LMAN1: variants seen among roughly 807,000 people sequenced by gnomAD.
LMAN1 encodes the protein protein ERGIC-53.
LMAN1 carries 32 observed loss-of-function variants against 67.8 expected under a neutral mutation model. The observed-to-expected ratio is 0.47, with a 90% CI of 0.36 to 0.63. The LOEUF (loss-of-function observed/expected upper bound fraction) is 0.63. Ranked by LOEUF, LMAN1 falls within the 30% of genes least tolerant of loss-of-function variation. The pLI is 0.00. For missense variants in LMAN1, 632 were observed against 628.2 expected, an observed-to-expected ratio of 1.01 and a Z score of -0.06; for synonymous variants, 235 against 219.3, an observed-to-expected ratio of 1.07 and a Z score of -0.63.
chr18:59,345,959 CTCTT>C lies in LMAN1; in HGVS notation c.911_914del (p.Lys304ArgfsTer22). On this transcript the variant is annotated frameshift_variant, in exon 8 of 13. Coordinates refer to ENST00000251047, the MANE Select transcript of LMAN1 (RefSeq NM_005570.4). LOFTEE classifies it high-confidence loss of function. ...GGTCGGGGTGGCCCTTCTGGAATTC[CTCTT>C]TTTTTTTATCCAATTCTTGTTGAAA... The C allele has an allele frequency of 2.5e-6, 4 of 1,613,946 alleles. No homozygotes were observed. The highest frequency in any genetic ancestry group is 3.4e-6 in the Non-Finnish European group (4 of 1,179,972).
Position 59,330,333 on chromosome 18 carries a change from T to C in LMAN1, c.*760A>G, listed in dbSNP as rs977975953. The C allele has an allele frequency of 6.6e-6, 1 of 152,582 alleles. No individual in the cohort carries two copies. Among genetic ancestry groups the C allele is most frequent in the Non-Finnish European group, 1.5e-5 (1 of 68,024 alleles). The allele number at this position is 152,582 out of a possible 1,614,324, so 9.5% of individuals were successfully genotyped here. A position where few individuals can be genotyped will look rare whatever the true frequency, so the allele number is the denominator to read the frequency against. On this transcript the variant is annotated 3_prime_UTR_variant, in exon 13 of 13. Coordinates refer to ENST00000251047, the MANE Select transcript of LMAN1 (RefSeq NM_005570.4). Reference sequence around the variant, plus strand: ...AAAAATTATTTTCATAATATTGACCTGACCCCATTGGAATGAAGACATTCA... The same window carrying C: ...AAAAATTATTTTCATAATATTGACCCGACCCCATTGGAATGAAGACATTCA...
At chr18:59,344,500 T>C (rs1487064296) in intron 8 of LMAN1, among the ~76,000 whole-genome samples, 1 of 152,164 alleles carries the variant, frequency 6.6e-6, no homozygotes, top group East Asian at 1.9e-4. Flanking sequence ...AATGAAATTA[T>C]GTCTTTTGCA....
At chr18:59,335,671 C>T (rs1908129282) in intron 10 of LMAN1, among the ~76,000 whole-genome samples, 2 of 151,908 alleles carry the variant, frequency 1.3e-5, no homozygotes, top group Non-Finnish European at 2.9e-5. Context: ...TTAAATCAAC[C>T]AGGATATAGG....
At chr18:59,357,933 C>T (rs1379804446) in intron 1 of LMAN1, among the ~76,000 whole-genome samples, 3 of 143,314 alleles carry the variant, frequency 2.1e-5, no homozygotes, top group Non-Finnish European at 4.5e-5. Context: ...CCAACCTGCA[C>T]GTTGTGCACA....
chr18:59,354,868 GGA>G (rs1908624622), intron 3 of LMAN1, among the ~76,000 whole-genome samples: 1 of 152,166 alleles, frequency 6.6e-6, no homozygotes, highest in Non-Finnish European at 1.5e-5. Context: ...AACTGTTTTA[GGA>G]GAGATCATCA....
In LMAN1 at chr18:59,329,170, T is replaced by G. The variant is rs542171763; in HGVS notation, c.*1923A>C. ...TGTGAACTACTTTGCTGAGTGATTT[T>G]CAAGCAAAGTATATCACTAAGTATA... On this transcript the variant is annotated 3_prime_UTR_variant, in exon 13 of 13. Transcript: ENST00000251047. 11 of 152,312 alleles carry G rather than the reference T, an allele frequency of 7.2e-5. No individual in the cohort carries two copies. The highest frequency in any genetic ancestry group is 2.6e-4 in the African/African-American group (11 of 41,580). 9.4% of individuals were successfully genotyped at this position (152,312 alleles called of 1,614,324 possible).
chr18:59,358,573 G>A (rs912799772), intron 1 of LMAN1, among the ~76,000 whole-genome samples: 24 of 152,068 alleles, frequency 1.6e-4, no homozygotes, highest in Admixed American at 1.4e-3. Context: ...CAAAGAAATC[G>A]GGGATCGGGG....
At chr18:59,334,943 T>A (rs772805435) in intron 10 of LMAN1, among the ~76,000 whole-genome samples, 1 of 152,206 alleles carries the variant, frequency 6.6e-6, no homozygotes, top group African/African-American at 2.4e-5. Context: ...ATGACATTTA[T>A]TCTCAGTAAG....
At chr18:59,341,101 A>G (rs1041796523) in intron 8 of LMAN1, among the ~76,000 whole-genome samples, 5 of 143,850 alleles carry the variant, frequency 3.5e-5, no homozygotes, top group African/African-American at 1.4e-4. Context: ...GACTTAAAAA[A>G]GAAAAGACAA....
intron 1 of LMAN1, among the ~76,000 whole-genome samples, chr18:59,357,469 C>A (rs1908685440): frequency 6.6e-6 from 1 of 152,142 alleles, no homozygotes; most frequent in Non-Finnish European, 1.5e-5. Context: ...CATCATCCCA[C>A]AAATAGAAAC....
At chr18:59,354,982 G>A (rs1012695457) in intron 3 of LMAN1, among the ~76,000 whole-genome samples, 1 of 152,168 alleles carries the variant, frequency 6.6e-6, no homozygotes, top group Non-Finnish European at 1.5e-5. Flanking sequence ...TAAGTGTTTA[G>A]TAGAGTCTCC....
In LMAN1 at chr18:59,330,997, T is replaced by G. The variant is rs1213538005; in HGVS notation, c.*96A>C. On this transcript the variant is annotated 3_prime_UTR_variant, in exon 13 of 13. Coordinates refer to ENST00000251047, the MANE Select transcript of LMAN1 (RefSeq NM_005570.4). Reference sequence around the variant, plus strand: ...TAAACAGTTATTTTATTAAGAAAATTAATAATTTAGACTATGAAGCAATTT... The same window carrying G: ...TAAACAGTTATTTTATTAAGAAAATGAATAATTTAGACTATGAAGCAATTT... 3.7e-6 allele frequency: 3 copies of G among 820,732 alleles called. No homozygotes were observed. In the African/African-American group the frequency reaches 5.3e-5, roughly 14 times the overall value. The allele number at this position is 820,732 out of a possible 1,614,324, so 50.8% of individuals were successfully genotyped here.
rs757096830 is a variant in LMAN1 at position 59,338,860 on chromosome 18, C to T, written c.1049G>A (p.Arg350Gln). 8 of 1,613,538 alleles carry T rather than the reference C, an allele frequency of 5.0e-6. No individual in the cohort carries two copies. Among genetic ancestry groups the T allele is most frequent in the Middle Eastern group, 1.6e-4 (1 of 6,082 alleles). ...RIHLEIKQLNRQLDMILDEQR... is the reference protein window; with the variant it reads ...RIHLEIKQLNQQLDMILDEQR... ...TTCATCAAGAATCATATCTAACTGC[C>T]GGTTCAGCTGCTTGATTTCAAGATG... Residue 350 changes from arginine to glutamine, a missense_variant, in exon 9 of 13, where the codon CGG (arginine) becomes CAG (glutamine). Arg to Gln is a conservative substitution (Grantham distance 43). Coordinates refer to ENST00000251047, the MANE Select transcript of LMAN1 (RefSeq NM_005570.4).
At chr18:59,342,327 G>GTAT (rs1908306736) in intron 8 of LMAN1, among the ~76,000 whole-genome samples, 1 of 151,980 alleles carries the variant, frequency 6.6e-6, no homozygotes, top group Non-Finnish European at 1.5e-5. Flanking sequence ...TATGAGGGCG[G>GTAT]TATCACCCTG....
intron 5 of LMAN1, chr18:59,352,910 TCTATCTATCTAC>T (rs1024075783): frequency 1.6e-5 from 5 of 307,782 alleles, no homozygotes; most frequent in Middle Eastern, 1.0e-3. Context: ...TATCCGTCTA[TCTATCTATCTAC>T]CTATCTATCT....
rs759238755 is a variant in LMAN1, at chr18:59,355,606, T to C, written c.267A>G (p.Gln89=). ...QIRVAPSLKS[Q]RGSVWTKTKA... ...TTGTCTTTGTCCACACTGAGCCTCT[T>C]TGGCTTTTTAAAGATGGTGCTACTC... Residue 89 remains glutamine, a synonymous_variant, in exon 2 of 13, where the codon CAA becomes CAG. Coordinates refer to ENST00000251047, the MANE Select transcript of LMAN1 (RefSeq NM_005570.4). The C allele has an allele frequency of 6.2e-7, 1 of 1,614,116 alleles. No individual in the cohort carries two copies. The highest frequency in any genetic ancestry group is 1.1e-5 in the South Asian group (1 of 91,078).
At chr18:59,341,874 A>G (rs1158814760) in intron 8 of LMAN1, among the ~76,000 whole-genome samples, 1 of 152,138 alleles carries the variant, frequency 6.6e-6, no homozygotes, top group Non-Finnish European at 1.5e-5. Flanking sequence ...AAATTAATAA[A>G]GGATCAACAA....
At chr18:59,353,003 T>C (rs920786803) in intron 5 of LMAN1, 199 bp downstream of exon 5, 1 of 561,398 alleles carries the variant, frequency 1.8e-6, no homozygotes, top group Admixed American at 2.4e-5. Context: ...ACTGACTAAA[T>C]GGAAACATAC....
intron 5 of LMAN1, 104 bp from the exon 6 acceptor site, chr18:59,349,340 A>G (rs746267730): frequency 3.8e-6 from 4 of 1,047,296 alleles, no homozygotes; most frequent in Non-Finnish European, 5.8e-6. Context: ...CATTATTATA[A>G]AGAGTAATTT....
Sources: allele counts gnomAD v4.1 joint callset (sites outside exome capture counted in the v4.1 genomes callset), GRCh38; gene constraint gnomAD v4.1.1; transcripts MANE v1.5; gene names NCBI Gene and HGNC (gene_info 2026-07-23, HGNC 2026-07-21).